EFCAB12: variants seen among roughly 807,000 people sequenced by gnomAD.
EFCAB12 encodes EF-hand calcium-binding domain-containing protein 12.
In EFCAB12, 43 loss-of-function variants were observed where a neutral mutation model predicts 53.6. The observed-to-expected ratio is 0.80, with a 90% CI of 0.63 to 1.03. The LOEUF is 1.03. Ranked by LOEUF, EFCAB12 falls within the 50% of genes least tolerant of loss-of-function variation. The pLI is 0.00. For synonymous variants in EFCAB12, 269 were observed against 289.2 expected, an observed-to-expected ratio of 0.93 and a Z score of 0.71; for missense variants, 646 against 730.6, an observed-to-expected ratio of 0.88 and a Z score of 1.34.
intron 6 of EFCAB12, among the ~76,000 whole-genome samples, chr3:129,407,696 C>T: frequency 6.6e-6 from 1 of 152,142 alleles, no homozygotes; most frequent in East Asian, 1.9e-4. Flanking sequence ...GGTGGATCAC[C>T]TGAGGTCAGG....
chr3:129,404,011 G>A, intron 7 of EFCAB12: 1 of 469,148 alleles, frequency 2.1e-6, no homozygotes. Flanking sequence ...GCAGGACTGG[G>A]GTCAGGAGGG....
chr3:129,405,545 G>T (rs765980389), intron 6 of EFCAB12, among the ~76,000 whole-genome samples: 1 of 152,170 alleles, frequency 6.6e-6, no homozygotes, highest in Non-Finnish European at 1.5e-5. Context: ...ACTCAGGCTG[G>T]GGAATTTTGA....
intron 4 of EFCAB12, chr3:129,414,863 G>T (rs1470065308): frequency 6.3e-6 from 1 of 158,506 alleles, no homozygotes; most frequent in African/African-American, 2.4e-5. Flanking sequence ...TTCTGAACAA[G>T]AATTTTATCA....
chr3:129,428,421 G>A lies in EFCAB12; in HGVS notation c.49+19C>T, dbSNP rs2107745031. The A allele has an allele frequency of 6.2e-7, 1 of 1,600,548 alleles. No homozygotes were observed. The highest frequency in any genetic ancestry group is 2.3e-5 in the East Asian group (1 of 44,368). ...AGGGCGCTGAGCGCTCCCTGCAGACGCTTCTTCCCGGGGCTTACCGAGCAG... is the reference window on the plus strand; with the variant it reads ...AGGGCGCTGAGCGCTCCCTGCAGACACTTCTTCCCGGGGCTTACCGAGCAG... On this transcript the variant is annotated intron_variant, in intron 1 of 8. Transcript: ENST00000505956.
In EFCAB12 at chr3:129,401,780, A is replaced by G. The variant is rs114112678; in HGVS notation, c.1532T>C (p.Leu511Pro). ...HPNSFWPGHLLDKLQLYLPTV... is the reference protein window; with the variant it reads ...HPNSFWPGHLPDKLQLYLPTV... The stretch of plus-strand genomic sequence containing the variant: ...GGGCAGGTAGAGCTGCAGCTTATCC[A>G]GAAGATGACCCGGCCAGAAGGAATT... Residue 511 changes from leucine (L) to proline (P), a missense_variant, in exon 9 of 9, where the codon CTG becomes CCG. Coordinates refer to ENST00000505956, the MANE Select transcript of EFCAB12 (RefSeq NM_207307.3). The G allele has an allele frequency of 6.7e-4, 1,081 of 1,612,226 alleles. 7 individuals are homozygous for G. In the African/African-American group the frequency reaches 0.013, roughly 20 times the overall value.
chr3:129,423,997 C>T (rs955617469), intron 1 of EFCAB12, among the ~76,000 whole-genome samples: 1 of 152,192 alleles, frequency 6.6e-6, no homozygotes, highest in East Asian at 1.9e-4. Flanking sequence ...CCTCCCACTC[C>T]CCTTCTCATG....
intron 5 of EFCAB12, among the ~76,000 whole-genome samples, chr3:129,410,182 A>C (rs962665955): frequency 2.0e-5 from 3 of 151,834 alleles, no homozygotes; most frequent in Non-Finnish European, 2.9e-5. Flanking sequence ...AATTTTTTAA[A>C]AATTTTGTGT....
intron 3 of EFCAB12, 51 bp from the exon 4 acceptor site, chr3:129,415,452 G>A (rs1206823255): frequency 4.4e-6 from 7 of 1,603,890 alleles, no homozygotes; most frequent in Non-Finnish European, 5.1e-6. Context: ...CAAACATCCT[G>A]CTCTGATGGC....
chr3:129,421,341 T>C, intron 2 of EFCAB12, 26 bp downstream of exon 2: 1 of 1,581,418 alleles, frequency 6.3e-7, no homozygotes, highest in Non-Finnish European at 8.6e-7. Context: ...CCTTGGTGTC[T>C]TCATCTGGCA....
chr3:129,415,364 A>C lies in EFCAB12; in HGVS notation c.719T>G (p.Ile240Arg), dbSNP rs201823486. The part of the protein sequence containing the change: ...VPLKNQEVED[I>R]VIYLSSLGKH... The stretch of plus-strand genomic sequence containing the variant: ...CCCAAGAGAGCTGAGGTAGATCACT[A>C]TATCCTCCACCTCTTGGTTCTTCAG... Residue 240 changes from isoleucine (I) to arginine (R), a missense_variant, in exon 4 of 9, where the codon ATA becomes AGA. Coordinates refer to ENST00000505956, the MANE Select transcript of EFCAB12 (RefSeq NM_207307.3). 655 of 1,613,764 alleles carry C rather than the reference A, an allele frequency of 4.1e-4. No individual in the cohort carries two copies. The highest frequency in any genetic ancestry group is 5.0e-4 in the Non-Finnish European group (585 of 1,179,850).
chr3:129,403,376 A>G (rs1471903689), intron 7 of EFCAB12: 4 of 152,354 alleles, frequency 2.6e-5, no homozygotes, highest in Non-Finnish European at 5.9e-5. Flanking sequence ...CTCATAGTGT[A>G]TGGTAGGAGC....
intron 6 of EFCAB12, among the ~76,000 whole-genome samples, chr3:129,405,929 AG>A (rs1403118799): frequency 2.0e-5 from 3 of 152,116 alleles, no homozygotes; most frequent in Non-Finnish European, 4.4e-5. Flanking sequence ...AGCAGAAGCC[AG>A]GGGTGGATGC....
At chr3:129,415,516 AC>A in intron 3 of EFCAB12, 115 bp from the exon 4 acceptor site, 1 of 1,306,838 alleles carries the variant, frequency 7.7e-7, no homozygotes, top group South Asian at 1.4e-5. Context: ...TTCATCCTCA[AC>A]CACTCCCTAC....
intron 1 of EFCAB12, among the ~76,000 whole-genome samples, chr3:129,427,634 G>A (rs1160495606): frequency 6.6e-6 from 1 of 152,160 alleles, no homozygotes; most frequent in African/African-American, 2.4e-5. Flanking sequence ...TGTGTTCAGT[G>A]CTGGAGAAGC....
chr3:129,424,896 G>T (rs73865439), intron 1 of EFCAB12, among the ~76,000 whole-genome samples: 13,014 of 152,240 alleles, frequency 0.085, 741 homozygotes, highest in African/African-American at 0.15. Context: ...TCAGTTGGGG[G>T]AGAAATGCTG....
At chr3:129,403,246 C>G (rs896946960) in intron 7 of EFCAB12, 3 of 152,838 alleles carry the variant, frequency 2.0e-5, no homozygotes, top group Non-Finnish European at 4.4e-5. Context: ...CAGGACCCAC[C>G]TGCAGGCCTG....
chr3:129,428,342 C>T, intron 1 of EFCAB12, 98 bp downstream of exon 1: 1 of 1,493,968 alleles, frequency 6.7e-7, no homozygotes. Flanking sequence ...CAGAGGGGGT[C>T]GGCACAATAT....
In EFCAB12 at chr3:129,404,235, G is replaced by T. The variant is rs1465745548; in HGVS notation, c.1403+15C>A. On this transcript the variant is annotated intron_variant, in intron 7 of 8. Transcript: ENST00000505956. ...AGGAGGCCAAGGCAGGGAGAAAGGG[G>T]GTCCGAAACTCAGCTTGTCAGTCCT... The T allele has an allele frequency of 1.9e-5, 31 of 1,609,022 alleles. No homozygotes were observed. Among genetic ancestry groups the T allele is most frequent in the Non-Finnish European group, 2.6e-5 (31 of 1,177,214 alleles).
chr3:129,416,139 C>G (rs1026746592), intron 3 of EFCAB12, among the ~76,000 whole-genome samples: 1 of 150,902 alleles, frequency 6.6e-6, no homozygotes, highest in Non-Finnish European at 1.5e-5. Flanking sequence ...CTGGTGCTGG[C>G]TGGACGTTGT....
Sources: gnomAD v4.1 joint callset for allele counts (sites outside exome capture counted in the v4.1 genomes callset) on GRCh38, gnomAD v4.1.1 for gene constraint, MANE v1.5 for transcripts, NCBI Gene and HGNC (gene_info 2026-07-23, HGNC 2026-07-21) for gene names.